TENM4: variants seen among roughly 807,000 people sequenced by gnomAD.
TENM4 encodes the protein teneurin transmembrane protein 4, also known as teneurin-4.
In TENM4, 82 loss-of-function variants were observed where a neutral mutation model predicts 243.3. That is an observed-to-expected ratio of 0.34 (90% CI 0.28 to 0.40). TENM4 has a LOEUF of 0.40. TENM4 is among the 10% of genes least tolerant of loss of function. The probability of loss-of-function intolerance (pLI) is 1.00; values close to 1 mark genes in which losing one functional copy is unlikely to be tolerated. For missense variants in TENM4, 3,138 were observed against 3,673.3 expected (o/e 0.85, Z 3.77); for synonymous variants, 1,412 against 1,456.3 (o/e 0.97, Z 0.69).
At chr11:79,094,774 G>A (rs544490656) in intron 4 of TENM4, among the ~76,000 whole-genome samples, 3 of 152,264 alleles carry the variant, frequency 2.0e-5, no homozygotes, top group East Asian at 1.9e-4. Context: ...CCAGACCAGT[G>A]GGGGAGGAGC....
At chr11:78,706,814 G>A (rs1859264586) in intron 27 of TENM4, among the ~76,000 whole-genome samples, 1 of 152,072 alleles carries the variant, frequency 6.6e-6, no homozygotes, top group Admixed American at 6.5e-5. Context: ...ATACTTGTAT[G>A]CACATCCTTA....
intron 1 of TENM4, among the ~76,000 whole-genome samples, chr11:79,340,135 C>CT (rs1274591091): frequency 5.9e-5 from 9 of 152,242 alleles, no homozygotes; most frequent in African/African-American, 1.4e-4. Flanking sequence ...CCTGGACCAA[C>CT]TTTCATGTCC....
chr11:79,155,647 C>T (rs1169906436), intron 3 of TENM4, among the ~76,000 whole-genome samples: 2 of 131,160 alleles, frequency 1.5e-5, no homozygotes, highest in Non-Finnish European at 3.2e-5. Flanking sequence ...CCTTCCTTCC[C>T]TCCCTCCCTT....
chr11:78,831,340 A>C (rs1365657145), intron 12 of TENM4, among the ~76,000 whole-genome samples: 1 of 152,226 alleles, frequency 6.6e-6, no homozygotes, highest in Non-Finnish European at 1.5e-5. Context: ...CTATGGCCCC[A>C]GCTCCCAGCT....
chr11:79,086,853 A>AT (rs57484843), intron 4 of TENM4, among the ~76,000 whole-genome samples: 1 of 151,264 alleles, frequency 6.6e-6, no homozygotes, highest in African/African-American at 2.4e-5. Flanking sequence ...AAAAAAAAAA[A>AT]GGAAATATTA....
At chr11:78,689,819 C>T (rs1171591980) in intron 28 of TENM4, among the ~76,000 whole-genome samples, 1 of 152,234 alleles carries the variant, frequency 6.6e-6, no homozygotes, top group African/African-American at 2.4e-5. Context: ...CCCTGGCACA[C>T]TCTGCCACAG....
rs1011556767 is a variant in TENM4, at chr11:79,013,523, G to A, written c.493+51215C>T. ...CATCTGCCTCATGGGTGCAGGCCTG[G>A]CGCAGCCCAGCAGCCCAATCATGGG... is the stretch of plus-strand genomic sequence containing the variant. On this transcript the variant is annotated intron_variant, in intron 6 of 33. Coordinates refer to ENST00000278550, the MANE Select transcript of TENM4 (RefSeq NM_001098816.3). Among the ~76,000 whole-genome samples the A allele has an allele frequency of 1.2e-4, 18 of 152,298 alleles. No homozygotes were observed. In the Middle Eastern group the frequency reaches 0.014, roughly 115 times the overall value.
intron 9 of TENM4, among the ~76,000 whole-genome samples, chr11:78,879,882 G>C (rs1362686687): frequency 6.6e-6 from 1 of 152,134 alleles, no homozygotes; most frequent in Non-Finnish European, 1.5e-5. Flanking sequence ...CCTCTGCCTG[G>C]CTGCCCCGTC....
At chr11:79,414,740 A>C (rs1359730700) in intron 1 of TENM4, among the ~76,000 whole-genome samples, 1 of 152,204 alleles carries the variant, frequency 6.6e-6, no homozygotes, top group Non-Finnish European at 1.5e-5. Context: ...ATGGATCTGA[A>C]ACACAGATCA....
chr11:79,160,487 G>A (rs1460826249), intron 3 of TENM4, among the ~76,000 whole-genome samples: 1 of 152,028 alleles, frequency 6.6e-6, no homozygotes, highest in Non-Finnish European at 1.5e-5. Context: ...TTGCAACCTG[G>A]GGTGCAGGGC....
intron 1 of TENM4, among the ~76,000 whole-genome samples, chr11:79,314,453 G>T (rs190791426): frequency 6.6e-6 from 1 of 152,272 alleles, no homozygotes. Context: ...AGTTGGGGCC[G>T]GGAAGCCTGG....
chr11:79,001,463 C>G (rs1222198644), intron 6 of TENM4, among the ~76,000 whole-genome samples: 1 of 142,026 alleles, frequency 7.0e-6, no homozygotes, highest in Non-Finnish European at 1.5e-5. Flanking sequence ...CTTCCAGAAT[C>G]CTGGCAGCAG....
chr11:78,972,788 A>G (rs1857574024), intron 6 of TENM4, among the ~76,000 whole-genome samples: 3 of 152,180 alleles, frequency 2.0e-5, no homozygotes, highest in Non-Finnish European at 2.9e-5. Flanking sequence ...AGAACATTTC[A>G]TCACCCTAAA....
chr11:79,106,354 G>A (rs1861368731), intron 4 of TENM4, among the ~76,000 whole-genome samples: 1 of 152,240 alleles, frequency 6.6e-6, no homozygotes, highest in Non-Finnish European at 1.5e-5. Context: ...GTGGAAAAAG[G>A]CTGCTTAGGG....
intron 6 of TENM4, among the ~76,000 whole-genome samples, chr11:78,911,513 C>T (rs1399897806): frequency 1.3e-5 from 2 of 152,194 alleles, no homozygotes; most frequent in African/African-American, 4.8e-5. Context: ...CTGGAGTAAC[C>T]TTCTTGCTAT....
chr11:79,188,647 A>G (rs489110), intron 3 of TENM4, among the ~76,000 whole-genome samples: 146,167 of 150,870 alleles, frequency 0.97, 70,929 homozygotes, highest in East Asian at 1. Flanking sequence ...GAAGGGGAGC[A>G]AGCAGAAGAG....
At chr11:79,222,677 G>T (rs898618994) in intron 2 of TENM4, among the ~76,000 whole-genome samples, 1 of 152,134 alleles carries the variant, frequency 6.6e-6, no homozygotes, top group Non-Finnish European at 1.5e-5. Flanking sequence ...TGTTGTTCTT[G>T]ACATTTTAAT....
chr11:78,800,027 A>AG (rs1857249865), intron 15 of TENM4, among the ~76,000 whole-genome samples: 1 of 152,236 alleles, frequency 6.6e-6, no homozygotes, highest in Non-Finnish European at 1.5e-5. Context: ...GATGAGTCTA[A>AG]GGGATGGCTT....
At chr11:78,999,377 G>C (rs748940111) in intron 6 of TENM4, among the ~76,000 whole-genome samples, 2 of 151,992 alleles carry the variant, frequency 1.3e-5, no homozygotes, top group African/African-American at 2.4e-5. Flanking sequence ...TTAGCCAGGC[G>C]TGGTGGTGTG....
Sources: allele counts gnomAD v4.1 joint callset (sites outside exome capture counted in the v4.1 genomes callset), GRCh38; gene constraint gnomAD v4.1.1; transcripts MANE v1.5; gene names NCBI Gene and HGNC (gene_info 2026-07-23, HGNC 2026-07-21).